CEP63: variants seen among roughly 807,000 people sequenced by gnomAD.
CEP63 encodes centrosomal protein 63.
In CEP63, 84 loss-of-function variants were observed where a neutral mutation model predicts 89.1. The ratio of observed to expected loss-of-function variants is 0.94; its 90% confidence interval spans 0.79 to 1.13. The LOEUF (loss-of-function observed/expected upper bound fraction) is 1.13. Among genes scored for constraint, CEP63 ranks in the 50% most tolerant of loss-of-function variants. The probability of loss-of-function intolerance (pLI) is 0.00; values close to 1 mark genes in which losing one functional copy is unlikely to be tolerated. For synonymous variants in CEP63, 267 were observed against 272.5 expected, an observed-to-expected ratio of 0.98 and a Z score of 0.20; for missense variants, 838 against 813.3, an observed-to-expected ratio of 1.03 and a Z score of -0.37.
At chr3:134,607,409 C>T in the CEP63 span, 1 of 985,624 alleles carries the variant, frequency 1.0e-6, no homozygotes, top group African/African-American at 1.7e-5. Context: ...TCCCCAGGGG[C>T]TCTGGGCCCA....
In CEP63 at chr3:134,563,231, T is replaced by C. The variant is rs1024724634; in HGVS notation, c.*1696T>C. 8 of 152,370 alleles carry C rather than the reference T, an allele frequency of 5.3e-5. No individual in the cohort carries two copies. Among genetic ancestry groups the C allele is most frequent in the Admixed American group, 2.0e-4 (3 of 15,284 alleles). 9.4% of individuals were successfully genotyped at this position (152,370 alleles called of 1,614,324 possible). On this transcript the variant is annotated 3_prime_UTR_variant, in exon 15 of 15. Coordinates refer to ENST00000675561, the MANE Select transcript of CEP63 (RefSeq NM_001353108.3). The stretch of plus-strand genomic sequence containing the variant: ...TGTCATTTCTTCCCCCAGAATCTTA[T>C]CTCAGACCCAACCGTTTCCCTCCTG...
intron 6 of CEP63, among the ~76,000 whole-genome samples, chr3:134,538,833 C>T (rs1018925255): frequency 5.3e-5 from 8 of 151,918 alleles, no homozygotes; most frequent in African/African-American, 1.7e-4. Context: ...TAGATTCTCT[C>T]TTCAAATTAC....
At chr3:134,639,700 C>G in the CEP63 span, 1 of 152,130 alleles carries the variant, frequency 6.6e-6, no homozygotes, top group African/African-American at 2.4e-5. Flanking sequence ...AATCCCAGCA[C>G]TTTGGGAAAC....
the CEP63 span, among the ~76,000 whole-genome samples, chr3:134,726,463 C>G: frequency 5.7e-5 from 8 of 139,344 alleles, no homozygotes; most frequent in Non-Finnish European, 7.7e-5. Context: ...CAGACAGACA[C>G]ACACACACAC....
At chr3:134,629,842 AAAC>A in the CEP63 span, 33 of 612,714 alleles carry the variant, frequency 5.4e-5, no homozygotes, top group East Asian at 2.8e-5. Flanking sequence ...CTTTAAATCA[AAAC>A]AACAACAAAC....
the CEP63 span, among the ~76,000 whole-genome samples, chr3:134,735,106 T>A: frequency 6.6e-6 from 1 of 152,202 alleles, no homozygotes; most frequent in Admixed American, 6.5e-5. Flanking sequence ...TATTTTCTTT[T>A]CGTTTCAGCC....
At chr3:134,593,876 TTGCTCCTGGG>T in the CEP63 span, among the ~76,000 whole-genome samples, 1 of 152,160 alleles carries the variant, frequency 6.6e-6, no homozygotes, top group Non-Finnish European at 1.5e-5. Context: ...CTCCACTGTG[TTGCTCCTGGG>T]AGATGGAGAA....
intron 3 of CEP63, among the ~76,000 whole-genome samples, chr3:134,523,345 ATGT>A (rs1947912461): frequency 6.6e-6 from 1 of 152,040 alleles, no homozygotes; most frequent in Non-Finnish European, 1.5e-5. Context: ...TCCATTCTAT[ATGT>A]TGTTCACTCT....
chr3:134,694,287 C>T, the CEP63 span, among the ~76,000 whole-genome samples: 5 of 152,314 alleles, frequency 3.3e-5, no homozygotes, highest in East Asian at 9.7e-4. Flanking sequence ...GGCCTGTGAG[C>T]ACTGTGGAGC....
chr3:134,608,516 C>T, the CEP63 span: 8 of 1,575,854 alleles, frequency 5.1e-6, no homozygotes, highest in Non-Finnish European at 6.9e-6. Flanking sequence ...CACACACAAG[C>T]TTTGTGCTAA....
At chr3:134,604,358 C>A in the CEP63 span, 2 of 1,614,044 alleles carry the variant, frequency 1.2e-6, no homozygotes, top group Non-Finnish European at 1.7e-6. Flanking sequence ...GGGTACACCT[C>A]CAACTTCATC....
chr3:134,547,614 C>CTTTCTTTTTTTTTTTTTTTTTTTTTT, intron 9 of CEP63, 142 bp downstream of exon 9: 1 of 224,274 alleles, frequency 4.5e-6, no homozygotes, highest in Non-Finnish European at 8.0e-6. Context: ...GTTCTTATTT[C>CTTTCTTTTTTTTTTTTTTTTTTTTTT]TTTTTTTTTT....
chr3:134,585,154 A>AT (rs1958457702), intron 10 of CEP63, among the ~76,000 whole-genome samples: 2 of 151,684 alleles, frequency 1.3e-5, no homozygotes, highest in African/African-American at 2.4e-5. Flanking sequence ...GGATTCATTG[A>AT]TTTTTTGAAG....
intron 12 of CEP63, among the ~76,000 whole-genome samples, chr3:134,554,022 C>T: frequency 6.6e-6 from 1 of 152,110 alleles, no homozygotes; most frequent in Non-Finnish European, 1.5e-5. Context: ...CTTGCTCTAT[C>T]CTCAAATCCC....
the CEP63 span, among the ~76,000 whole-genome samples, chr3:134,726,961 T>A: frequency 6.6e-6 from 1 of 151,840 alleles, no homozygotes; most frequent in African/African-American, 2.4e-5. Flanking sequence ...AAAAATATCT[T>A]GCAGACATGT....
chr3:134,777,608 A>ATTTTTTTTTTTTTTTT, the CEP63 span, among the ~76,000 whole-genome samples: 3 of 100,186 alleles, frequency 3.0e-5, no homozygotes, highest in African/African-American at 1.2e-4. Flanking sequence ...AAAGAATAGA[A>ATTTTTTTTTTTTTTTT]TTTTTTTTTT....
At chr3:134,697,814 T>A in the CEP63 span, among the ~76,000 whole-genome samples, 1 of 152,200 alleles carries the variant, frequency 6.6e-6, no homozygotes, top group Admixed American at 6.5e-5. Flanking sequence ...GTCATTTTTG[T>A]AAAATGACAA....
chr3:134,554,380 A>T (rs1955648665), intron 12 of CEP63, among the ~76,000 whole-genome samples: 1 of 148,486 alleles, frequency 6.7e-6, no homozygotes, highest in African/African-American at 2.5e-5. Context: ...GATGATTTCC[A>T]ATTTCATCCA....
chr3:134,643,387 G>C, the CEP63 span: 16 of 1,613,462 alleles, frequency 9.9e-6, no homozygotes, highest in Non-Finnish European at 1.4e-5. Context: ...TTCTATTTAA[G>C]GAAGACAGAG....
Sources: gnomAD v4.1 joint callset for allele counts (sites outside exome capture counted in the v4.1 genomes callset) on GRCh38, gnomAD v4.1.1 for gene constraint, MANE v1.5 for transcripts, NCBI Gene and HGNC (gene_info 2026-07-23, HGNC 2026-07-21) for gene names.